The following CADPS2 variants were observed in gnomAD, a reference collection of about 807,000 sequenced individuals.
The protein encoded by CADPS2 is calcium dependent secretion activator 2.
In CADPS2, 93 loss-of-function variants were observed where a neutral mutation model predicts 172.5. The observed-to-expected ratio is 0.54, with a 90% CI of 0.46 to 0.64. The LOEUF is 0.64. Ranked by LOEUF, CADPS2 falls within the 30% of genes least tolerant of loss-of-function variation. The pLI is 0.00. For missense variants in CADPS2, 1,420 were observed against 1,565.9 expected (o/e 0.91, Z 1.57); for synonymous variants, 546 against 555.2 (o/e 0.98, Z 0.23).
chr7:122,476,313 C>A (rs2056614521), intron 12 of CADPS2, among the ~76,000 whole-genome samples: 1 of 151,666 alleles, frequency 6.6e-6, no homozygotes, highest in African/African-American at 2.4e-5. Flanking sequence ...CTGTTGAGAA[C>A]AGGATAGTGA....
chr7:122,337,667 T>C (rs1223579546), intron 28 of CADPS2, among the ~76,000 whole-genome samples: 1 of 148,220 alleles, frequency 6.7e-6, no homozygotes, highest in Non-Finnish European at 1.5e-5. Flanking sequence ...TTACAAATAA[T>C]AACTTAACAT....
At chr7:122,608,886 G>A (rs2073940358) in intron 6 of CADPS2, among the ~76,000 whole-genome samples, 1 of 151,896 alleles carries the variant, frequency 6.6e-6, no homozygotes, top group Non-Finnish European at 1.5e-5. Context: ...TTAAAAATTT[G>A]TTAAGAGGTT....
chr7:122,380,114 C>A (rs912208520), intron 24 of CADPS2, among the ~76,000 whole-genome samples: 6 of 151,216 alleles, frequency 4.0e-5, no homozygotes, highest in Admixed American at 2.6e-4. Context: ...AAATAAATAC[C>A]AAAAAAAGAT....
rs766661740 is a variant in CADPS2 at position 122,491,399 on chromosome 7, T to A, written c.1564A>T (p.Met522Leu). ...LVQVSQYTFA[M>L]CSYREKKSEP... ...GACTTCTTTTCTCTATAACTGCACA[T>A]AGCAAAGGTATATTGGCTAACCTGC... The change falls in exon 10 of 30, where the codon ATG becomes TTG. Residue 522 changes from methionine (M) to leucine (L), a missense_variant. Coordinates refer to ENST00000449022, the MANE Select transcript of CADPS2 (RefSeq NM_017954.11). 1.9e-6 allele frequency: 3 copies of A among 1,608,926 alleles called. No individual in the cohort carries two copies. Among genetic ancestry groups the A allele is most frequent in the African/African-American group, 2.7e-5 (2 of 74,750 alleles).
At chr7:122,778,174 T>C (rs2093943342) in intron 1 of CADPS2, among the ~76,000 whole-genome samples, 1 of 152,112 alleles carries the variant, frequency 6.6e-6, no homozygotes, top group Non-Finnish European at 1.5e-5. Context: ...ATAAGGAACC[T>C]GTTGGAAGCT....
intron 6 of CADPS2, among the ~76,000 whole-genome samples, chr7:122,590,390 T>C (rs1054968977): frequency 1.3e-5 from 2 of 151,946 alleles, no homozygotes; most frequent in East Asian, 1.9e-4. Context: ...AATTGTTCTA[T>C]AACATGTTCT....
At chr7:122,808,435 T>G (rs1426914898) in intron 1 of CADPS2, among the ~76,000 whole-genome samples, 1 of 152,232 alleles carries the variant, frequency 6.6e-6, no homozygotes, top group Non-Finnish European at 1.5e-5. Flanking sequence ...ATCAAGAACA[T>G]GAAGTCCTGT....
intron 2 of CADPS2, among the ~76,000 whole-genome samples, chr7:122,719,446 T>A (rs1015308713): frequency 6.6e-6 from 1 of 152,050 alleles, no homozygotes. Flanking sequence ...GCTGCCACCT[T>A]AGTGCACTGG....
intron 1 of CADPS2, among the ~76,000 whole-genome samples, chr7:122,884,569 G>A (rs370853340): frequency 7.3e-4 from 111 of 152,314 alleles, no homozygotes; most frequent in African/African-American, 2.6e-3. Flanking sequence ...TGAAGGATCT[G>A]TTATTAATCT....
At chr7:122,699,324 A>C (rs1177369421) in intron 2 of CADPS2, among the ~76,000 whole-genome samples, 1 of 152,180 alleles carries the variant, frequency 6.6e-6, no homozygotes, top group Non-Finnish European at 1.5e-5. Context: ...ATAGCACATT[A>C]AACTAAAAAT....
chr7:122,339,556 C>T (rs1326532347), intron 28 of CADPS2, among the ~76,000 whole-genome samples: 1 of 152,156 alleles, frequency 6.6e-6, no homozygotes, highest in Non-Finnish European at 1.5e-5. Context: ...ATTCTCACTT[C>T]AAAAAGTTTG....
intron 28 of CADPS2, among the ~76,000 whole-genome samples, chr7:122,327,703 C>G (rs2034150128): frequency 6.6e-6 from 1 of 151,664 alleles, no homozygotes; most frequent in South Asian, 2.1e-4. Context: ...TAATGTAACA[C>G]AGAAATCATT....
intron 3 of CADPS2, among the ~76,000 whole-genome samples, chr7:122,641,988 G>A (rs534055978): frequency 1.3e-5 from 2 of 152,154 alleles, no homozygotes; most frequent in Non-Finnish European, 2.9e-5. Context: ...ATTAAAAATG[G>A]AGAAATTGAG....
At chr7:122,879,766 C>T (rs1163744141) in intron 1 of CADPS2, among the ~76,000 whole-genome samples, 1 of 152,144 alleles carries the variant, frequency 6.6e-6, no homozygotes, top group African/African-American at 2.4e-5. Flanking sequence ...ACTGAAACCA[C>T]AACATCTACA....
chr7:122,751,182 T>C lies in CADPS2; in HGVS notation c.340-14114A>G, dbSNP rs539484167. 3.3e-5 allele frequency among the ~76,000 whole-genome samples: 5 copies of C among 152,278 alleles called. No individual in the cohort carries two copies. The South Asian group carries it at 1.0e-3, about 32-fold the overall frequency. The stretch of plus-strand genomic sequence containing the variant: ...TTGGTAGAGACAGGGTCTGCCTATG[T>C]TGCCCAGGCTGTTCTCAAACTCCTG... On this transcript the variant is annotated intron_variant, in intron 1 of 29. Coordinates refer to ENST00000449022, the MANE Select transcript of CADPS2 (RefSeq NM_017954.11).
At chr7:122,484,664 TTC>T (rs1219544480) in intron 11 of CADPS2, among the ~76,000 whole-genome samples, 1 of 124,948 alleles carries the variant, frequency 8.0e-6, no homozygotes, top group African/African-American at 3.2e-5. Flanking sequence ...AATTAAGAAT[TTC>T]TTTTTTTTTT....
chr7:122,663,034 T>C (rs561992361), intron 3 of CADPS2, among the ~76,000 whole-genome samples: 2 of 152,336 alleles, frequency 1.3e-5, no homozygotes, highest in African/African-American at 4.8e-5. Context: ...GGATAAGAAG[T>C]ACTGATATTC....
At chr7:122,822,485 T>C (rs1803621442) in intron 1 of CADPS2, among the ~76,000 whole-genome samples, 2 of 151,232 alleles carry the variant, frequency 1.3e-5, no homozygotes, top group Non-Finnish European at 2.9e-5. Context: ...CCCCAAAAAT[T>C]TTCGCCACCC....
chr7:122,635,116 A>G (rs568910458), intron 3 of CADPS2, among the ~76,000 whole-genome samples: 6 of 152,090 alleles, frequency 3.9e-5, no homozygotes, highest in Non-Finnish European at 7.3e-5. Flanking sequence ...AGAAGAATGT[A>G]TATTCTGTGA....
Sources: allele counts gnomAD v4.1 joint callset (sites outside exome capture counted in the v4.1 genomes callset), GRCh38; gene constraint gnomAD v4.1.1; transcripts MANE v1.5; gene names NCBI Gene and HGNC (gene_info 2026-07-23, HGNC 2026-07-21).